The following MDGA2 variants were observed in gnomAD, a reference collection of about 807,000 sequenced individuals.
MDGA2 encodes MAM domain-containing glycosylphosphatidylinositol anchor protein 2.
In MDGA2, 40 loss-of-function variants were observed where a neutral mutation model predicts 117.8. The ratio of observed to expected loss-of-function variants is 0.34; its 90% CI spans 0.26 to 0.44. The LOEUF (loss-of-function observed/expected upper bound fraction) is 0.44, where lower values mean the gene tolerates loss of function less well. MDGA2 is among the 20% of genes least tolerant of loss of function. The pLI is 1.00. For synonymous variants in MDGA2, 452 were observed against 439.0 expected (o/e 1.03, Z -0.37); for missense variants, 1,123 against 1,250.6 (o/e 0.90, Z 1.54).
intron 11 of MDGA2, among the ~76,000 whole-genome samples, chr14:46,877,939 C>T (rs753605711): frequency 1.9e-4 from 29 of 151,810 alleles, no homozygotes; most frequent in Non-Finnish European, 3.2e-4. Flanking sequence ...TTTTCTACTT[C>T]TACTGAGAGT....
At chr14:46,870,669 G>T (rs1432802812) in intron 14 of MDGA2, among the ~76,000 whole-genome samples, 1 of 151,812 alleles carries the variant, frequency 6.6e-6, no homozygotes. Flanking sequence ...ATGACATAGG[G>T]GTCAAAATGT....
intron 1 of MDGA2, among the ~76,000 whole-genome samples, chr14:47,383,983 TGATAGATA>T (rs11439713): frequency 4.2e-5 from 6 of 141,784 alleles, no homozygotes; most frequent in Admixed American, 2.9e-4. Flanking sequence ...AATAGATAGA[TGATAGATA>T]GATAGATAGA....
At position 47,564,541 on chromosome 14, in the gene MDGA2, G is replaced by A. The variant is rs1439240730; in HGVS notation, c.280+109976C>T. Among the ~76,000 whole-genome samples, 3 of 152,250 alleles carry A rather than the reference G, an allele frequency of 2.0e-5. 1 individual carries two copies. The highest frequency in any genetic ancestry group is 4.4e-5 in the Non-Finnish European group (3 of 68,020). On this transcript the variant is annotated intron_variant, in intron 1 of 16. Coordinates refer to ENST00000399232, the MANE Select transcript of MDGA2 (RefSeq NM_001113498.3). ...TATTCACTACCATGAAAGCAGTATG[G>A]CAGAAATTGCTCCCATGATTTAATT...
At chr14:47,509,242 C>T (rs1023856146) in intron 1 of MDGA2, among the ~76,000 whole-genome samples, 6 of 152,142 alleles carry the variant, frequency 3.9e-5, no homozygotes, top group Non-Finnish European at 5.9e-5. Context: ...AGCACCTTTG[C>T]TGAGATGGGA....
At chr14:47,492,487 T>G (rs983482261) in intron 1 of MDGA2, among the ~76,000 whole-genome samples, 1 of 152,100 alleles carries the variant, frequency 6.6e-6, no homozygotes, top group Non-Finnish European at 1.5e-5. Flanking sequence ...TGGATATACA[T>G]ATAGATATAC....
chr14:47,604,323 T>C (rs1363374002), intron 1 of MDGA2, among the ~76,000 whole-genome samples: 1 of 152,102 alleles, frequency 6.6e-6, no homozygotes, highest in Non-Finnish European at 1.5e-5. Context: ...GTTTTTATTT[T>C]TATTTTTTTA....
intron 3 of MDGA2, among the ~76,000 whole-genome samples, chr14:47,162,276 A>G (rs1036572751): frequency 6.6e-6 from 1 of 151,646 alleles, no homozygotes; most frequent in African/African-American, 2.4e-5. Flanking sequence ...TGAGGTCACT[A>G]TTTTTTTCCT....
intron 1 of MDGA2, among the ~76,000 whole-genome samples, chr14:47,416,767 T>A (rs1196369198): frequency 1.3e-5 from 2 of 152,088 alleles, no homozygotes; most frequent in South Asian, 2.1e-4. Context: ...AGCTTCTGCA[T>A]CCTGTGCCCC....
At chr14:46,846,234 T>C (rs1244012096) in intron 15 of MDGA2, among the ~76,000 whole-genome samples, 2 of 152,172 alleles carry the variant, frequency 1.3e-5, no homozygotes, top group Non-Finnish European at 2.9e-5. Flanking sequence ...TCTGGTTTTA[T>C]CTGAACATAA....
chr14:47,030,686 A>G (rs1410332471), intron 8 of MDGA2, among the ~76,000 whole-genome samples: 1 of 152,140 alleles, frequency 6.6e-6, no homozygotes, highest in Non-Finnish European at 1.5e-5. Flanking sequence ...AAAAAATTGT[A>G]TTATCATTCC....
intron 1 of MDGA2, among the ~76,000 whole-genome samples, chr14:47,658,845 A>G (rs1897793339): frequency 6.6e-6 from 1 of 152,194 alleles, no homozygotes; most frequent in Admixed American, 6.5e-5. Flanking sequence ...TTCTTTCTCT[A>G]TTTGGAATAT....
chr14:47,409,645 G>A (rs918931726), intron 1 of MDGA2, among the ~76,000 whole-genome samples: 2 of 152,080 alleles, frequency 1.3e-5, no homozygotes, highest in Non-Finnish European at 2.9e-5. Flanking sequence ...ACACAGCAGA[G>A]GTCCTTCAGG....
intron 1 of MDGA2, among the ~76,000 whole-genome samples, chr14:47,394,119 A>G (rs12895436): frequency 2.8e-4 from 43 of 152,266 alleles, no homozygotes; most frequent in Admixed American, 1.3e-3. Context: ...AAATAACATC[A>G]CAATAAAAAA....
chr14:47,242,766 G>A (rs1887097277), intron 2 of MDGA2, among the ~76,000 whole-genome samples: 2 of 151,736 alleles, frequency 1.3e-5, no homozygotes, highest in Non-Finnish European at 3.0e-5. Context: ...CCTCCCCGAC[G>A]AGCACCACCC....
intron 1 of MDGA2, among the ~76,000 whole-genome samples, chr14:47,642,339 A>C (rs1371629414): frequency 6.6e-6 from 1 of 152,120 alleles, no homozygotes; most frequent in Non-Finnish European, 1.5e-5. Flanking sequence ...TCAGCAGTAC[A>C]TAACTCTTTA....
At chr14:47,525,620 G>T (rs1245462881) in intron 1 of MDGA2, among the ~76,000 whole-genome samples, 1 of 152,006 alleles carries the variant, frequency 6.6e-6, no homozygotes, top group South Asian at 2.1e-4. Context: ...GGAAGGCAGA[G>T]GTTGCGGTGA....
intron 1 of MDGA2, among the ~76,000 whole-genome samples, chr14:47,387,602 G>C (rs1891791017): frequency 6.6e-6 from 1 of 152,130 alleles, no homozygotes; most frequent in Non-Finnish European, 1.5e-5. Context: ...AAATTATGCT[G>C]CTTAGTAAAT....
rs533570544 is a variant in MDGA2, at chr14:46,890,704, G to A, written c.2239-8483C>T. On this transcript the variant is annotated intron_variant, in intron 10 of 16. Coordinates refer to ENST00000399232, the MANE Select transcript of MDGA2 (RefSeq NM_001113498.3). The stretch of plus-strand genomic sequence containing the variant: ...GCAGAGTCTCTGGTAAAGCTCACCA[G>A]TAAATAAATGAAAGGCCTTGCAAGT... Among the ~76,000 whole-genome samples the A allele has an allele frequency of 3.5e-4, 54 of 152,146 alleles. No individual in the cohort carries two copies. The South Asian group carries it at 3.7e-3, about 11-fold the overall frequency.
intron 2 of MDGA2, among the ~76,000 whole-genome samples, chr14:47,234,373 C>A (rs985953897): frequency 2.0e-5 from 3 of 151,934 alleles, no homozygotes; most frequent in Non-Finnish European, 2.9e-5. Flanking sequence ...TATCAATTAT[C>A]AATTAAGGTT....
Sources: allele counts gnomAD v4.1 joint callset (sites outside exome capture counted in the v4.1 genomes callset), GRCh38; gene constraint gnomAD v4.1.1; transcripts MANE v1.5; gene names NCBI Gene and HGNC (gene_info 2026-07-23, HGNC 2026-07-21).